SLC9B2: variants seen among roughly 807,000 people sequenced by gnomAD.
SLC9B2 encodes the protein sodium/hydrogen exchanger 9B2.
Under a neutral mutation model 52.2 loss-of-function variants are expected in SLC9B2, and 39 were observed. The observed-to-expected ratio is 0.75, with a 90% confidence interval of 0.58 to 0.98. The LOEUF (loss-of-function observed/expected upper bound fraction) is 0.98. Among genes scored for constraint, SLC9B2 ranks in the 50% least tolerant of loss-of-function variants. The probability of loss-of-function intolerance (pLI) is 0.00; values close to 1 mark genes in which losing one functional copy is unlikely to be tolerated. For missense variants in SLC9B2, 626 were observed against 637.5 expected (o/e 0.98, Z 0.19); for synonymous variants, 214 against 227.0 (o/e 0.94, Z 0.51).
At chr4:103,065,043 C>T (rs555642609) in intron 3 of SLC9B2, among the ~76,000 whole-genome samples, 1 of 151,602 alleles carries the variant, frequency 6.6e-6, no homozygotes, top group Non-Finnish European at 1.5e-5. Context: ...GGCAACATAA[C>T]AAGATCCTGT....
chr4:103,071,946 T>C (rs1033781638), intron 1 of SLC9B2, among the ~76,000 whole-genome samples: 1 of 152,130 alleles, frequency 6.6e-6, no homozygotes, highest in African/African-American at 2.4e-5. Flanking sequence ...TAATAACACC[T>C]GCCACAATTT....
At position 103,038,612 on chromosome 4, in the gene SLC9B2, G is replaced by A. The variant is rs546412400; in HGVS notation, c.1146+4684C>T. On this transcript the variant is annotated intron_variant, in intron 9 of 11. Coordinates refer to ENST00000394785, the MANE Select transcript of SLC9B2 (RefSeq NM_178833.7). ...AAAATTAAGGCCATTTGACACATTT[G>A]TATGCATCATTAGTAAGAATCTGAA... is the stretch of plus-strand genomic sequence containing the variant. Among the ~76,000 whole-genome samples the A allele has an allele frequency of 7.2e-5, 11 of 152,300 alleles. No individual in the cohort carries two copies. In the South Asian group the frequency reaches 2.1e-3, roughly 29 times the overall value.
intron 1 of SLC9B2, among the ~76,000 whole-genome samples, chr4:103,073,650 C>A (rs1347620196): frequency 6.6e-6 from 1 of 152,182 alleles, no homozygotes; most frequent in African/African-American, 2.4e-5. Flanking sequence ...TTAGTAATTT[C>A]ATTGACTCAT....
Position 103,047,178 on chromosome 4 carries a change from G to A in SLC9B2, c.762C>T (p.Leu254=), listed in dbSNP as rs1744224934. 2.5e-6 allele frequency: 4 copies of A among 1,613,856 alleles called. No individual in the cohort carries two copies. Among genetic ancestry groups the A allele is most frequent in the Non-Finnish European group, 3.4e-6 (4 of 1,179,906 alleles). ...VSPAVVVPSM[L]LLQGGGYGVE... ...CACCATAGCCTCCTCCCTGCAAAAGGAGCATTGAAGGCACCACAACAGCTG... is the reference window on the plus strand; with the variant it reads ...CACCATAGCCTCCTCCCTGCAAAAGAAGCATTGAAGGCACCACAACAGCTG... Residue 254 remains leucine, a synonymous_variant, in exon 7 of 12, where the codon CTC becomes CTT. Coordinates refer to ENST00000394785, the MANE Select transcript of SLC9B2 (RefSeq NM_178833.7).
Position 103,055,357 on chromosome 4 carries a change from G to T in SLC9B2, c.442+2444C>A, listed in dbSNP as rs187904281. Among the ~76,000 whole-genome samples, 342 of 152,210 alleles carry T rather than the reference G, an allele frequency of 2.2e-3. 6 individuals carry two copies. The highest frequency in any genetic ancestry group is 0.022 in the East Asian group (114 of 5,180). Reference sequence around the variant, plus strand: ...TACATATGTAACTAACCTGCACGTTGTGCACATGTACCCTAAAACTTAAAG... The same window carrying T: ...TACATATGTAACTAACCTGCACGTTTTGCACATGTACCCTAAAACTTAAAG... On this transcript the variant is annotated intron_variant, in intron 4 of 11. Transcript: ENST00000394785.
chr4:103,054,088 A>G (rs1744915623), intron 4 of SLC9B2, among the ~76,000 whole-genome samples: 5 of 152,068 alleles, frequency 3.3e-5, no homozygotes, highest in Admixed American at 3.3e-4. Flanking sequence ...GACCTGCCTG[A>G]GCCATAAAGT....
At chr4:103,067,348 G>T in intron 2 of SLC9B2, 113 bp downstream of exon 2, 1 of 886,854 alleles carries the variant, frequency 1.1e-6, no homozygotes, top group Non-Finnish European at 1.8e-6. Context: ...GATGTTAGCT[G>T]GGAAAACTGG....
At position 103,048,958 on chromosome 4, in the gene SLC9B2, C is replaced by T. The variant is rs189868539; in HGVS notation, c.648G>A (p.Ala216=). 7.6e-5 allele frequency: 123 copies of T among 1,613,948 alleles called. No homozygotes were observed. The highest frequency in any genetic ancestry group is 7.4e-4 in the East Asian group (33 of 44,870). ...RLSMGPCIVE[A]CTSALLAHYL... ...AATGGGCAAGAAGAGCAGATGTGCA[C>T]GCCTCCACAATACAGGGACCCATGG... is the stretch of plus-strand genomic sequence containing the variant. The change falls in exon 6 of 12, where the codon GCG becomes GCA. Residue 216 remains alanine (A), a synonymous_variant. Coordinates refer to ENST00000394785, the MANE Select transcript of SLC9B2 (RefSeq NM_178833.7).
rs1030981592 is a variant in SLC9B2 at position 103,024,945 on chromosome 4, C to G, written c.*1425G>C. Among the ~76,000 whole-genome samples, 6 of 152,198 alleles carry G rather than the reference C, an allele frequency of 3.9e-5. No homozygotes were observed. The highest frequency in any genetic ancestry group is 1.4e-4 in the African/African-American group (6 of 41,450). ...TGAAATCCCTGCCATAGAAGTCACT[C>G]TTTTGGTTTAAGGCAATGTCTTTCA... On this transcript the variant is annotated 3_prime_UTR_variant, in exon 12 of 12. Transcript: ENST00000394785.
At chr4:103,062,161 C>A (rs970346449) in intron 3 of SLC9B2, among the ~76,000 whole-genome samples, 2 of 152,204 alleles carry the variant, frequency 1.3e-5, no homozygotes, top group Non-Finnish European at 2.9e-5. Context: ...TGGCTCACGC[C>A]TGTAATCCCA....
chr4:103,054,679 G>A (rs1384131938), intron 4 of SLC9B2, among the ~76,000 whole-genome samples: 3 of 152,162 alleles, frequency 2.0e-5, no homozygotes, highest in Non-Finnish European at 4.4e-5. Context: ...CTTTATCCTA[G>A]CATATAGGCA....
In SLC9B2 at chr4:103,026,527, T is replaced by C. The variant is rs759591325; in HGVS notation, c.1457A>G (p.Tyr486Cys). 32 of 1,613,946 alleles carry C rather than the reference T, an allele frequency of 2.0e-5. No homozygotes were observed. The highest frequency in any genetic ancestry group is 2.6e-5 in the Non-Finnish European group (31 of 1,179,880). The change falls in exon 12 of 12, where the codon TAT becomes TGT. Residue 486 changes from tyrosine (Y) to cysteine (C), a missense_variant. Physicochemically the swap from Tyr to Cys is radical, Grantham distance 194. Coordinates refer to ENST00000394785, the MANE Select transcript of SLC9B2 (RefSeq NM_178833.7). ...TGCCACTGTCAACACATCCATTCCA[T>C]AGTCTTCTAATTGTTTCTCTCCATG... is the stretch of plus-strand genomic sequence containing the variant. ...RSHGEKQLED[Y>C]GMDVLTVAFL...
chr4:103,056,942 T>C lies in SLC9B2; in HGVS notation c.442+859A>G, dbSNP rs145585910. Among the ~76,000 whole-genome samples, 948 of 152,298 alleles carry C rather than the reference T, an allele frequency of 6.2e-3. 5 individuals are homozygous for C. The highest frequency in any genetic ancestry group is 1.0e-2 in the Non-Finnish European group (680 of 68,014). On this transcript the variant is annotated intron_variant, in intron 4 of 11. Transcript: ENST00000394785. ...TGCTTATAAGATGAAAATGAAACAA[T>C]AAAAATACATGTCAGAACTTCACTC...
chr4:103,044,116 C>T (rs1367759072), intron 8 of SLC9B2, among the ~76,000 whole-genome samples: 1 of 152,184 alleles, frequency 6.6e-6, no homozygotes, highest in Non-Finnish European at 1.5e-5. Flanking sequence ...TTGGCAAAGG[C>T]ATGCAAGCTC....
At chr4:103,046,023 T>G (rs978669673) in intron 7 of SLC9B2, among the ~76,000 whole-genome samples, 2 of 152,076 alleles carry the variant, frequency 1.3e-5, no homozygotes, top group Non-Finnish European at 2.9e-5. Flanking sequence ...AACAAGAAAG[T>G]AATGTAATGA....
intron 2 of SLC9B2, among the ~76,000 whole-genome samples, chr4:103,066,898 G>A (rs997383431): frequency 2.6e-5 from 4 of 151,234 alleles, no homozygotes; most frequent in African/African-American, 4.9e-5. Flanking sequence ...AATTACCTTC[G>A]GATTACCTGT....
At chr4:103,018,855 G>T (rs1741565068), downstream of SLC9B2, among the ~76,000 whole-genome samples, 1 of 152,206 alleles carries the variant, frequency 6.6e-6, no homozygotes, top group Non-Finnish European at 1.5e-5. Flanking sequence ...CACAGCAGGT[G>T]AGCAGGGCTA....
chr4:103,053,053 T>A (rs987751353), intron 4 of SLC9B2, among the ~76,000 whole-genome samples: 1 of 152,196 alleles, frequency 6.6e-6, no homozygotes, highest in Non-Finnish European at 1.5e-5. Context: ...CTTAAAATTT[T>A]GTATTATGAA....
intron 3 of SLC9B2, among the ~76,000 whole-genome samples, chr4:103,060,941 G>C (rs1745585046): frequency 6.6e-6 from 1 of 152,176 alleles, no homozygotes; most frequent in Admixed American, 6.5e-5. Context: ...TTTAGTCAGA[G>C]GCCCCATCTG....
Sources: gnomAD v4.1 joint callset for allele counts (sites outside exome capture counted in the v4.1 genomes callset) on GRCh38, gnomAD v4.1.1 for gene constraint, MANE v1.5 for transcripts, NCBI Gene and HGNC (gene_info 2026-07-23, HGNC 2026-07-21) for gene names.